FGF13: variants seen among roughly 807,000 people sequenced by gnomAD.
FGF13 encodes the protein fibroblast growth factor homologous factor 2.
FGF13 carries 2 observed loss-of-function variants against 19.5 expected under a neutral mutation model. The ratio of observed to expected loss-of-function variants is 0.10; its 90% confidence interval spans 0.04 to 0.32. The LOEUF is 0.32. Among genes scored for constraint, FGF13 ranks in the 10% least tolerant of loss-of-function variants. FGF13 has a pLI of 1.00. For missense variants in FGF13, 113 were observed against 192.7 expected, an observed-to-expected ratio of 0.59 and a Z score of 2.45; for synonymous variants, 72 against 76.9, an observed-to-expected ratio of 0.94 and a Z score of 0.33.
chrX:138,816,365 C>G (rs1300184686), intron 3 of FGF13, among the ~76,000 whole-genome samples: 1 of 112,042 alleles, frequency 8.9e-6, no homozygotes, highest in African/African-American at 3.2e-5. Flanking sequence ...GAAACAGGCA[C>G]AATTCCTATT....
At chrX:139,182,970 G>T (rs757177911) in intron 1 of FGF13, among the ~76,000 whole-genome samples, 1 of 110,891 alleles carries the variant, frequency 9.0e-6, no homozygotes, top group Non-Finnish European at 1.9e-5. Flanking sequence ...CTCACTCAAG[G>T]GCACCCAGTT....
rs1449533092 is a variant in FGF13, at chrX:139,112,168, C to G, written c.-113+91248G>C. 4.5e-5 allele frequency among the ~76,000 whole-genome samples: 5 copies of G among 111,912 alleles called. No individual in the cohort carries two copies. The East Asian group carries it at 1.4e-3, about 32-fold the overall frequency. On this transcript the variant is annotated intron_variant, in intron 1 of 2. Coordinates refer to the FGF13 transcript ENST00000421460. Reference sequence around the variant, plus strand: ...ATGGGATTGAGTCCTGGCTCCCACACTTACTATGTACATGATCCTGGGCAA... The same window carrying G: ...ATGGGATTGAGTCCTGGCTCCCACAGTTACTATGTACATGATCCTGGGCAA...
At chrX:138,820,763 G>A (rs2090994699) in intron 3 of FGF13, among the ~76,000 whole-genome samples, 1 of 111,690 alleles carries the variant, frequency 9.0e-6, no homozygotes, top group African/African-American at 3.3e-5. Flanking sequence ...TATAGTAAAT[G>A]GCATTTGATC....
chrX:139,165,996 T>A (rs144701647), intron 1 of FGF13, among the ~76,000 whole-genome samples: 1,408 of 111,877 alleles, frequency 0.013, 14 homozygotes, highest in Non-Finnish European at 0.019. Context: ...TTGCCTTGTC[T>A]CAGATAAAAC....
intron 1 of FGF13, among the ~76,000 whole-genome samples, chrX:138,718,662 C>T (rs780337791): frequency 5.3e-4 from 59 of 111,857 alleles, no homozygotes; most frequent in African/African-American, 1.9e-3. Flanking sequence ...AGTCTTAACA[C>T]ATCTCTTTTC....
At chrX:138,672,894 T>A (rs1269908366) in intron 3 of FGF13, among the ~76,000 whole-genome samples, 1 of 111,370 alleles carries the variant, frequency 9.0e-6, no homozygotes. Context: ...TAAGCGAGTG[T>A]GGTGTCCTGA....
intron 1 of FGF13, among the ~76,000 whole-genome samples, chrX:138,980,977 A>G (rs2124331635): frequency 9.0e-6 from 1 of 111,587 alleles, no homozygotes; most frequent in East Asian, 2.8e-4. Context: ...TAGGAGTAGA[A>G]AAATACAAAT....
At chrX:138,976,552 A>ACC in intron 1 of FGF13, among the ~76,000 whole-genome samples, 1 of 111,193 alleles carries the variant, frequency 9.0e-6, no homozygotes, top group Non-Finnish European at 1.9e-5. Flanking sequence ...CAGAAGGGGG[A>ACC]TGGTAAAAGG....
At chrX:139,159,759 G>A (rs753215905) in intron 1 of FGF13, among the ~76,000 whole-genome samples, 11 of 109,896 alleles carry the variant, frequency 1.0e-4, no homozygotes, top group East Asian at 2.8e-4. Context: ...TTACATAATC[G>A]TAAAGGGATC....
At position 138,657,159 on chromosome X, in the gene FGF13, G is replaced by GA. The variant is rs918815337; in HGVS notation, c.403-21505dup. Among the ~76,000 whole-genome samples, 103 of 107,941 alleles carry GA rather than the reference G, an allele frequency of 9.5e-4. 2 individuals carry two copies. Among genetic ancestry groups the GA allele is most frequent in the South Asian group, 2.7e-3 (7 of 2,557 alleles). 93.7% of individuals were successfully genotyped at this position (107,941 alleles called of 115,157 possible). On this transcript the variant is annotated intron_variant, in intron 3 of 4. Transcript: ENST00000315930. Reference sequence around the variant, plus strand: ...TAGGAATTATTGGAAATCAATTTTAGAAAAAAAAAGCCAATTAATTGGCAT... The same window carrying GA: ...TAGGAATTATTGGAAATCAATTTTAGAAAAAAAAAAGCCAATTAATTGGCAT...
At chrX:138,913,718 C>T (rs1334496383) in intron 1 of FGF13, among the ~76,000 whole-genome samples, 1 of 106,874 alleles carries the variant, frequency 9.4e-6, no homozygotes, top group East Asian at 3.0e-4. Flanking sequence ...AGAAAACTAT[C>T]AGGGCGAACA....
downstream of FGF13, among the ~76,000 whole-genome samples, chrX:138,854,486 T>C (rs1487574191): frequency 3.6e-5 from 4 of 111,189 alleles, no homozygotes; most frequent in Non-Finnish European, 3.8e-5. Context: ...AAATTATCTG[T>C]AGCAAATCTT....
upstream of FGF13, among the ~76,000 whole-genome samples, chrX:138,714,491 C>G (rs1237876051): frequency 9.0e-6 from 1 of 111,018 alleles, no homozygotes; most frequent in Non-Finnish European, 1.9e-5. Context: ...ACTAAAAATA[C>G]AAAATTAGCC....
chrX:138,625,618 T>C lies in FGF13; in HGVS notation c.*7232A>G, dbSNP rs2089055660. ...GTTGAAATAAGCAAACTAAGTGAAA[T>C]AAGCCAGATGAAAAAAGAAAAAAAT... On this transcript the variant is annotated 3_prime_UTR_variant, in exon 5 of 5. Coordinates refer to ENST00000315930, the MANE Select transcript of FGF13 (RefSeq NM_004114.5). 1.9e-5 allele frequency: 2 copies of C among 103,074 alleles called. No homozygotes were observed. Among genetic ancestry groups the C allele is most frequent in the East Asian group, 6.0e-4 (2 of 3,323 alleles). The allele number at this position is 103,074 out of a possible 1,213,427, so 8.5% of individuals were successfully genotyped here. A position where few individuals can be genotyped will look rare whatever the true frequency, so the allele number is the denominator to read the frequency against.
intron 1 of FGF13, among the ~76,000 whole-genome samples, chrX:138,956,960 C>G (rs896483277): frequency 9.0e-6 from 1 of 111,619 alleles, no homozygotes; most frequent in African/African-American, 3.3e-5. Flanking sequence ...TATCAAGAGT[C>G]AATGATCCCT....
At chrX:139,002,305 G>A (rs750314008) in intron 1 of FGF13, among the ~76,000 whole-genome samples, 13 of 111,058 alleles carry the variant, frequency 1.2e-4, no homozygotes, top group Non-Finnish European at 2.5e-4. Flanking sequence ...AAACATGCAC[G>A]TTGTACACAT....
At chrX:138,823,336 T>G (rs2091012584) in intron 3 of FGF13, among the ~76,000 whole-genome samples, 1 of 111,300 alleles carries the variant, frequency 9.0e-6, no homozygotes, top group Non-Finnish European at 1.9e-5. Flanking sequence ...AAGTTCACAG[T>G]TTGCAGCAGG....
chrX:139,100,041 A>ACACACACACAC (rs2083498116), intron 1 of FGF13, among the ~76,000 whole-genome samples: 1 of 76,425 alleles, frequency 1.3e-5, no homozygotes, highest in Non-Finnish European at 2.5e-5. Context: ...GGGGAAAGCA[A>ACACACACACAC]ACACACACAC....
intron 3 of FGF13, among the ~76,000 whole-genome samples, chrX:138,748,494 T>C (rs1156548496): frequency 1.8e-5 from 2 of 111,624 alleles, no homozygotes; most frequent in Admixed American, 1.9e-4. Flanking sequence ...GAAACCAACC[T>C]AACAGTACCT....
Sources: gnomAD v4.1 joint callset for allele counts (sites outside exome capture counted in the v4.1 genomes callset) on GRCh38, gnomAD v4.1.1 for gene constraint, MANE v1.5 for transcripts, NCBI Gene and HGNC (gene_info 2026-07-23, HGNC 2026-07-21) for gene names.